TMEM117: variants seen among roughly 807,000 people sequenced by gnomAD.
TMEM117 encodes transmembrane protein 117.
TMEM117 carries 27 observed loss-of-function variants against 52.4 expected under a neutral mutation model. The observed-to-expected ratio is 0.51, with a 90% CI of 0.38 to 0.71. TMEM117 has a LOEUF of 0.71. TMEM117 is among the 30% of genes least tolerant of loss of function. The probability of loss-of-function intolerance (pLI) is 0.00; values close to 1 mark genes in which losing one functional copy is unlikely to be tolerated. For synonymous variants in TMEM117, 215 were observed against 206.3 expected, an observed-to-expected ratio of 1.04 and a Z score of -0.36; for missense variants, 556 against 630.5, an observed-to-expected ratio of 0.88 and a Z score of 1.26.
At chr12:43,807,828 C>T in the TMEM117 span, among the ~76,000 whole-genome samples, 1 of 152,142 alleles carries the variant, frequency 6.6e-6, no homozygotes, top group Non-Finnish European at 1.5e-5. Flanking sequence ...GTACCTTGCT[C>T]TGCTCTAGCC....
rs969809034 is a variant in TMEM117 at position 44,097,236 on chromosome 12, G to A, written c.411-46289G>A. 6.1e-4 allele frequency among the ~76,000 whole-genome samples: 93 copies of A among 152,222 alleles called. 1 individual carries two copies. Among genetic ancestry groups the A allele is most frequent in the African/African-American group, 2.2e-3 (91 of 41,536 alleles). On this transcript the variant is annotated intron_variant, in intron 3 of 7. Coordinates refer to ENST00000266534, the MANE Select transcript of TMEM117 (RefSeq NM_032256.3). ...AACAACAGGTGCTGGAGAGGATGTG[G>A]AGAAATAGGAACACTTTTACACTGT...
At chr12:43,845,849 A>G (rs1260693403) in intron 2 of TMEM117, among the ~76,000 whole-genome samples, 1 of 152,152 alleles carries the variant, frequency 6.6e-6, no homozygotes, top group Non-Finnish European at 1.5e-5. Context: ...AGCTGCATCC[A>G]TGTCCCTGCA....
upstream of TMEM117, among the ~76,000 whole-genome samples, chr12:43,834,502 C>G (rs573471173): frequency 6.6e-6 from 1 of 152,188 alleles, no homozygotes; most frequent in Admixed American, 6.5e-5. Flanking sequence ...TAAAATGTAC[C>G]AAGTGCTAGC....
At position 43,889,242 on chromosome 12, in the gene TMEM117, C is replaced by A. The variant is rs866203692; in HGVS notation, c.277+44314C>A. Among the ~76,000 whole-genome samples the A allele has an allele frequency of 7.2e-5, 11 of 152,204 alleles. No homozygotes were observed. The South Asian group carries it at 1.9e-3, about 26-fold the overall frequency. ...GGATTACAGGCGTCTGCCACCATGCCTGGCTAATTTTTGTATTTTTAGTAA... is the reference window on the plus strand; with the variant it reads ...GGATTACAGGCGTCTGCCACCATGCATGGCTAATTTTTGTATTTTTAGTAA... On this transcript the variant is annotated intron_variant, in intron 2 of 7. Coordinates refer to ENST00000266534, the MANE Select transcript of TMEM117 (RefSeq NM_032256.3).
In TMEM117 at chr12:44,334,709, C is replaced by T. The variant is rs145684161; in HGVS notation, c.768+34970C>T. On this transcript the variant is annotated intron_variant, in intron 6 of 7. Transcript: ENST00000266534. ...CTTTACTTAACGCCTGGATGTAGGA[C>T]GGAATCCTCCACCACATGATGCTCT... Among the ~76,000 whole-genome samples the T allele has an allele frequency of 9.2e-5, 14 of 152,060 alleles. No individual in the cohort carries two copies. In the East Asian group the frequency reaches 2.3e-3, roughly 25 times the overall value.
intron 2 of TMEM117, among the ~76,000 whole-genome samples, chr12:43,890,012 T>C (rs991464069): frequency 6.6e-6 from 1 of 152,140 alleles, no homozygotes; most frequent in South Asian, 2.1e-4. Flanking sequence ...GGATGAGAGC[T>C]TGGGCTTTTA....
intron 4 of TMEM117, among the ~76,000 whole-genome samples, chr12:44,175,788 G>A (rs1949108894): frequency 6.6e-6 from 1 of 152,190 alleles, no homozygotes; most frequent in Non-Finnish European, 1.5e-5. Context: ...CATGAGAACT[G>A]TAAAAGGGAG....
chr12:43,932,857 G>A (rs1023154454), intron 2 of TMEM117, among the ~76,000 whole-genome samples: 5 of 152,188 alleles, frequency 3.3e-5, no homozygotes, highest in Admixed American at 3.3e-4. Flanking sequence ...AGACTTAGAG[G>A]ACTTGTGGAA....
intron 4 of TMEM117, among the ~76,000 whole-genome samples, chr12:44,208,513 G>T (rs1949600465): frequency 6.6e-6 from 1 of 152,034 alleles, no homozygotes; most frequent in Non-Finnish European, 1.5e-5. Context: ...TTCCCACAAA[G>T]ACTGTCCTTG....
At chr12:43,873,663 A>G (rs1008454616) in intron 2 of TMEM117, among the ~76,000 whole-genome samples, 2 of 151,572 alleles carry the variant, frequency 1.3e-5, no homozygotes, top group African/African-American at 4.8e-5. Context: ...TTCTTTCTGT[A>G]CAGTTTCTAC....
chr12:44,167,215 T>A (rs1948979623), intron 4 of TMEM117, among the ~76,000 whole-genome samples: 1 of 152,158 alleles, frequency 6.6e-6, no homozygotes, highest in South Asian at 2.1e-4. Flanking sequence ...TGCTGTCAAA[T>A]CCTTGAGTTT....
At chr12:44,352,762 T>G (rs1428473912) in intron 6 of TMEM117, among the ~76,000 whole-genome samples, 2 of 152,054 alleles carry the variant, frequency 1.3e-5, no homozygotes, top group African/African-American at 2.4e-5. Context: ...ACATACGTGT[T>G]CATGTGTCTT....
chr12:44,237,317 G>GT (rs949421178), intron 5 of TMEM117, among the ~76,000 whole-genome samples: 72 of 148,538 alleles, frequency 4.8e-4, no homozygotes, highest in Admixed American at 8.1e-4. Context: ...GTTCGAATAG[G>GT]TTTTTTTTTT....
intron 3 of TMEM117, among the ~76,000 whole-genome samples, chr12:44,110,984 T>G (rs1948046484): frequency 5.9e-4 from 1 of 1,696 alleles, no homozygotes; most frequent in Non-Finnish European, 8.0e-4. Flanking sequence ...ATTTTCTAGT[T>G]TATTTGCGTA....
chr12:44,103,227 C>CT (rs772854739), intron 3 of TMEM117, among the ~76,000 whole-genome samples: 3,023 of 143,804 alleles, frequency 0.021, 49 homozygotes, highest in African/African-American at 0.051. Context: ...AACTCCATAT[C>CT]TTTTTTTTTT....
chr12:44,395,318 A>G, the TMEM117 span, among the ~76,000 whole-genome samples: 1 of 152,188 alleles, frequency 6.6e-6, no homozygotes, highest in South Asian at 2.1e-4. Context: ...TCTGTCTCCT[A>G]TAATTGGTCC....
At chr12:44,064,004 T>C (rs1384512107) in intron 3 of TMEM117, among the ~76,000 whole-genome samples, 1 of 152,094 alleles carries the variant, frequency 6.6e-6, no homozygotes, top group African/African-American at 2.4e-5. Context: ...ATTCTAAACA[T>C]GTTTTTATGC....
chr12:44,064,741 A>C (rs1438981668), intron 3 of TMEM117, among the ~76,000 whole-genome samples: 1 of 152,234 alleles, frequency 6.6e-6, no homozygotes, highest in African/African-American at 2.4e-5. Flanking sequence ...AGCGTTCAAT[A>C]ACATAGCCCT....
intron 6 of TMEM117, among the ~76,000 whole-genome samples, chr12:44,367,148 C>T (rs1431434779): frequency 6.6e-6 from 1 of 152,094 alleles, no homozygotes; most frequent in Non-Finnish European, 1.5e-5. Context: ...ATCATAGTCT[C>T]TCTCCAGTTA....
Sources: allele counts gnomAD v4.1 joint callset (sites outside exome capture counted in the v4.1 genomes callset), GRCh38; gene constraint gnomAD v4.1.1; transcripts MANE v1.5; gene names NCBI Gene and HGNC (gene_info 2026-07-23, HGNC 2026-07-21).